GPC5: variants seen among roughly 807,000 people sequenced by gnomAD.
The protein encoded by GPC5 is glypican 5.
In GPC5, 47 loss-of-function variants were observed where a neutral mutation model predicts 53.9. That is an observed-to-expected ratio of 0.87 (90% CI 0.69 to 1.11). GPC5 has a LOEUF of 1.11. GPC5 is among the 50% of genes most tolerant of loss of function. GPC5 has a pLI of 0.00. For missense variants in GPC5, 748 were observed against 713.1 expected (o/e 1.05, Z -0.56); for synonymous variants, 286 against 263.3 (o/e 1.09, Z -0.84).
chr13:91,607,353 T>C (rs901928361), intron 2 of GPC5, among the ~76,000 whole-genome samples: 2 of 152,146 alleles, frequency 1.3e-5, no homozygotes, highest in Non-Finnish European at 2.9e-5. Flanking sequence ...GATAAAATTA[T>C]TTTTTTCCTC....
chr13:92,495,095 A>T (rs1288716856), intron 7 of GPC5, among the ~76,000 whole-genome samples: 1 of 152,136 alleles, frequency 6.6e-6, no homozygotes, highest in East Asian at 1.9e-4. Flanking sequence ...TTTTTCTCAA[A>T]CTTGTTCTGA....
intron 2 of GPC5, among the ~76,000 whole-genome samples, chr13:91,588,105 A>G (rs2032664961): frequency 6.6e-6 from 1 of 152,166 alleles, no homozygotes; most frequent in Non-Finnish European, 1.5e-5. Context: ...AGTGGAAACT[A>G]ACAGCACTGG....
intron 7 of GPC5, among the ~76,000 whole-genome samples, chr13:92,361,411 T>C (rs899209918): frequency 6.6e-6 from 1 of 151,742 alleles, no homozygotes; most frequent in Non-Finnish European, 1.5e-5. Flanking sequence ...GTTAAAAAGG[T>C]AGTTAAATTC....
intron 7 of GPC5, among the ~76,000 whole-genome samples, chr13:92,318,178 T>G (rs987845663): frequency 5.9e-5 from 9 of 152,208 alleles, no homozygotes; most frequent in African/African-American, 1.9e-4. Context: ...TCCATTCACT[T>G]TTAATTTTTA....
At chr13:91,662,775 T>G (rs2035016199) in intron 2 of GPC5, among the ~76,000 whole-genome samples, 1 of 152,200 alleles carries the variant, frequency 6.6e-6, no homozygotes, top group African/African-American at 2.4e-5. Context: ...CATAGTATCT[T>G]CCTGCTTCCA....
chr13:91,494,456 T>C (rs1884138666), intron 2 of GPC5, among the ~76,000 whole-genome samples: 1 of 152,064 alleles, frequency 6.6e-6, no homozygotes, highest in South Asian at 2.1e-4. Flanking sequence ...AGAATGTACT[T>C]TCTCCAGCTG....
chr13:91,639,753 G>C (rs996249817), intron 2 of GPC5, among the ~76,000 whole-genome samples: 1 of 152,142 alleles, frequency 6.6e-6, no homozygotes, highest in South Asian at 2.1e-4. Flanking sequence ...TCTTCATTGT[G>C]TTCCTATTCA....
At chr13:91,905,262 A>G (rs1181542181) in intron 5 of GPC5, among the ~76,000 whole-genome samples, 1 of 151,920 alleles carries the variant, frequency 6.6e-6, no homozygotes, top group East Asian at 1.9e-4. Context: ...AGTGCTACAG[A>G]TAATTTAAGA....
At chr13:92,631,906 G>C (rs1445521591) in intron 7 of GPC5, among the ~76,000 whole-genome samples, 3 of 151,928 alleles carry the variant, frequency 2.0e-5, no homozygotes, top group Non-Finnish European at 4.4e-5. Flanking sequence ...TTTAGACTTG[G>C]GTCTCATTCC....
intron 7 of GPC5, among the ~76,000 whole-genome samples, chr13:92,696,261 A>G (rs1887552060): frequency 6.6e-6 from 1 of 152,132 alleles, no homozygotes; most frequent in Non-Finnish European, 1.5e-5. Context: ...TAGATCCTTG[A>G]GGAATCATCC....
At chr13:92,068,517 C>T (rs1330351151) in intron 6 of GPC5, among the ~76,000 whole-genome samples, 1 of 151,548 alleles carries the variant, frequency 6.6e-6, no homozygotes, top group Non-Finnish European at 1.5e-5. Flanking sequence ...AATTCTCTTA[C>T]AGTTCTTATT....
At chr13:91,982,802 G>A (rs190061333) in intron 6 of GPC5, among the ~76,000 whole-genome samples, 175 of 152,238 alleles carry the variant, frequency 1.1e-3, no homozygotes, top group African/African-American at 3.7e-3. Flanking sequence ...TGACATCCTA[G>A]GTAGTTTTGA....
At chr13:92,780,469 T>C (rs1481223510) in intron 7 of GPC5, among the ~76,000 whole-genome samples, 2 of 151,958 alleles carry the variant, frequency 1.3e-5, no homozygotes. Context: ...ATTAAAGTTC[T>C]CTCCCCAAGT....
At chr13:91,399,344 CT>C in intron 1 of GPC5, 135 bp downstream of exon 1, 1 of 1,122,350 alleles carries the variant, frequency 8.9e-7, no homozygotes, top group Non-Finnish European at 1.2e-6. Flanking sequence ...CCCGGGGAGG[CT>C]TCCGGGGATG....
chr13:92,151,942 G>T (rs188122296), intron 7 of GPC5, among the ~76,000 whole-genome samples: 1 of 152,286 alleles, frequency 6.6e-6, no homozygotes, highest in East Asian at 1.9e-4. Flanking sequence ...CAATATTTAT[G>T]AGACAGTGGT....
chr13:91,695,509 G>T (rs1485359605), intron 3 of GPC5, among the ~76,000 whole-genome samples: 1 of 152,056 alleles, frequency 6.6e-6, no homozygotes, highest in Non-Finnish European at 1.5e-5. Flanking sequence ...ACGTAGCTGG[G>T]ACTACAGGTG....
chr13:92,008,926 C>T (rs1291312387), intron 6 of GPC5, among the ~76,000 whole-genome samples: 1 of 152,088 alleles, frequency 6.6e-6, no homozygotes, highest in Non-Finnish European at 1.5e-5. Flanking sequence ...ATTCACCAAT[C>T]TTTCCTTCCG....
At chr13:92,186,637 CA>C in intron 7 of GPC5, among the ~76,000 whole-genome samples, 1 of 152,218 alleles carries the variant, frequency 6.6e-6, no homozygotes, top group East Asian at 1.9e-4. Context: ...CAGAAAAACT[CA>C]AAATTTGAAT....
intron 6 of GPC5, among the ~76,000 whole-genome samples, chr13:91,983,329 G>A (rs1430888349): frequency 2.7e-5 from 4 of 147,564 alleles, no homozygotes; most frequent in Non-Finnish European, 6.0e-5. Flanking sequence ...CTGGGCGACA[G>A]AGCCAGACCC....
Sources: gnomAD v4.1 joint callset for allele counts (sites outside exome capture counted in the v4.1 genomes callset) on GRCh38, gnomAD v4.1.1 for gene constraint, MANE v1.5 for transcripts, NCBI Gene and HGNC (gene_info 2026-07-23, HGNC 2026-07-21) for gene names.